Variants in PPIP5K2 observed in about 807,000 individuals in gnomAD.
PPIP5K2 encodes inositol hexakisphosphate and diphosphoinositol-pentakisphosphate kinase 2.
In PPIP5K2, 105 loss-of-function variants were observed where a neutral mutation model predicts 154.6. That is an observed-to-expected ratio of 0.68 (90% CI 0.58 to 0.80). The LOEUF is 0.80. PPIP5K2 is among the 30% of genes least tolerant of loss of function. The pLI is 0.00. For synonymous variants in PPIP5K2, 480 were observed against 490.3 expected, an observed-to-expected ratio of 0.98 and a Z score of 0.28; for missense variants, 992 against 1,504.6, an observed-to-expected ratio of 0.66 and a Z score of 5.64.
chr5:103,180,709 G>T (rs886256845), intron 24 of PPIP5K2, among the ~76,000 whole-genome samples: 1 of 151,898 alleles, frequency 6.6e-6, no homozygotes, highest in African/African-American at 2.4e-5. Context: ...AATTAGCCAG[G>T]TATGGTGGCG....
Position 103,202,987 on chromosome 5 carries a change from T to C in PPIP5K2, c.*1353T>C, listed in dbSNP as rs1457056930. The C allele has an allele frequency of 6.6e-6, 1 of 152,576 alleles. No individual in the cohort carries two copies. The highest frequency in any genetic ancestry group is 2.4e-5 in the African/African-American group (1 of 41,448). 9.5% of individuals were successfully genotyped at this position (152,576 alleles called of 1,614,324 possible). On this transcript the variant is annotated 3_prime_UTR_variant, in exon 31 of 31. Coordinates refer to ENST00000358359, the MANE Select transcript of PPIP5K2 (RefSeq NM_001276277.3). ...AATAAGCATACTATATGTTAGCTGT[T>C]TTAAAAGGTACCAGATGTAAGAGTC...
intron 21 of PPIP5K2, among the ~76,000 whole-genome samples, chr5:103,175,411 CA>C: frequency 4.0e-3 from 1 of 248 alleles, no homozygotes; most frequent in East Asian, 0.17. Context: ...CCTTAATTAG[CA>C]AGGCAAAAAA....
intron 5 of PPIP5K2, among the ~76,000 whole-genome samples, chr5:103,142,839 C>T (rs533984647): frequency 1.3e-5 from 2 of 151,282 alleles, no homozygotes; most frequent in African/African-American, 2.4e-5. Flanking sequence ...ATAGCAAGTA[C>T]ACAGATAAAT....
chr5:103,142,605 T>C lies in PPIP5K2; in HGVS notation c.488-3922T>C, dbSNP rs912664775. Among the ~76,000 whole-genome samples, 3 of 152,122 alleles carry C rather than the reference T, an allele frequency of 2.0e-5. No homozygotes were observed. In the South Asian group the frequency reaches 6.2e-4, roughly 32 times the overall value. On this transcript the variant is annotated intron_variant, in intron 5 of 30. Transcript: ENST00000358359. ...GCTAGCACGCTGTCACCTCTCAGTCTCTACTAAAAATACAAAAAAAATTAG... is the reference window on the plus strand; with the variant it reads ...GCTAGCACGCTGTCACCTCTCAGTCCCTACTAAAAATACAAAAAAAATTAG...
intron 5 of PPIP5K2, among the ~76,000 whole-genome samples, chr5:103,141,215 C>T (rs1216740363): frequency 4.6e-5 from 7 of 152,074 alleles, no homozygotes; most frequent in African/African-American, 1.2e-4. Context: ...AGAATGAAGC[C>T]GCAGACCCTC....
intron 14 of PPIP5K2, among the ~76,000 whole-genome samples, chr5:103,157,059 C>T (rs1439457020): frequency 6.6e-6 from 1 of 152,136 alleles, no homozygotes; most frequent in Admixed American, 6.5e-5. Context: ...AACTAACTTT[C>T]TTTCCATAAA....
At chr5:103,145,307 A>G (rs1793577213) in intron 5 of PPIP5K2, among the ~76,000 whole-genome samples, 1 of 152,122 alleles carries the variant, frequency 6.6e-6, no homozygotes, top group Non-Finnish European at 1.5e-5. Context: ...GGGAATGTGA[A>G]TTAGTAAAGC....
At position 103,147,972 on chromosome 5, in the gene PPIP5K2, A is replaced by G. The variant is rs529722583; in HGVS notation, c.684A>G (p.Val228=). 4 of 1,605,024 alleles carry G rather than the reference A, an allele frequency of 2.5e-6. No homozygotes were observed. In the South Asian group the frequency reaches 4.5e-5, roughly 18 times the overall value. ...RSSVYSPESN[V]RKTGSYIYEE... ...GTGTTTATTCTCCAGAAAGCAATGT[A>G]CGAAAAACAGGCTCATATATATATG... The change falls in exon 7 of 31, where the codon GTA becomes GTG. Residue 228 remains valine (V), a synonymous_variant. Coordinates refer to ENST00000358359, the MANE Select transcript of PPIP5K2 (RefSeq NM_001276277.3).
Position 103,208,028 on chromosome 5 carries a change from TTTTG to T in PPIP5K2, c.*6398_*6401del, listed in dbSNP as rs1303110722. ...ACAATTTCTTTTTTGTTTGTTTTTGTTTTGTTTTTGTTGTTTTTTAAAATGCAAT... is the reference window on the plus strand; with the variant it reads ...ACAATTTCTTTTTTGTTTGTTTTTGTTTTTTGTTGTTTTTTAAAATGCAAT... On this transcript the variant is annotated 3_prime_UTR_variant, in exon 31 of 31. Transcript: ENST00000358359. 7.1e-6 allele frequency: 1 copy of T among 140,386 alleles called. No individual in the cohort carries two copies. Among genetic ancestry groups the T allele is most frequent in the African/African-American group, 2.4e-5 (1 of 40,858 alleles). 8.7% of individuals were successfully genotyped at this position (140,386 alleles called of 1,614,324 possible).
chr5:103,198,553 A>C (rs1401270124), intron 30 of PPIP5K2, among the ~76,000 whole-genome samples: 1 of 151,954 alleles, frequency 6.6e-6, no homozygotes, highest in East Asian at 1.9e-4. Context: ...AATTTGGTAG[A>C]TTTTTGCTTT....
chr5:103,172,738 T>C (rs566284448), intron 19 of PPIP5K2, among the ~76,000 whole-genome samples: 31 of 151,886 alleles, frequency 2.0e-4, no homozygotes, highest in Non-Finnish European at 3.5e-4. Flanking sequence ...GTGTTAGTCT[T>C]TTAAATCTTT....
At chr5:103,170,235 A>G (rs1388068435) in intron 19 of PPIP5K2, among the ~76,000 whole-genome samples, 1 of 151,570 alleles carries the variant, frequency 6.6e-6, no homozygotes, top group Non-Finnish European at 1.5e-5. Flanking sequence ...TAAATTCATA[A>G]TAAATTTTTT....
At chr5:103,166,402 TGTC>T (rs1309838635) in intron 17 of PPIP5K2, among the ~76,000 whole-genome samples, 1 of 152,004 alleles carries the variant, frequency 6.6e-6, no homozygotes, top group Non-Finnish European at 1.5e-5. Flanking sequence ...GAATCTACCT[TGTC>T]GTCCTGATGT....
intron 5 of PPIP5K2, among the ~76,000 whole-genome samples, chr5:103,140,836 CAAAA>C (rs34150862): frequency 0.061 from 5,357 of 88,200 alleles, 285 homozygotes; most frequent in African/African-American, 0.19. Flanking sequence ...GACTCCGTCT[CAAAA>C]AAAAAAAAAA....
chr5:103,154,008 A>G, intron 11 of PPIP5K2, 74 bp downstream of exon 11: 1 of 1,125,876 alleles, frequency 8.9e-7, no homozygotes, highest in South Asian at 1.5e-5. Context: ...AACTCTTTTG[A>G]TTAATACATC....
intron 2 of PPIP5K2, among the ~76,000 whole-genome samples, chr5:103,132,365 C>T (rs1790770964): frequency 6.6e-6 from 1 of 152,004 alleles, no homozygotes; most frequent in Non-Finnish European, 1.5e-5. Context: ...CACGATGAAA[C>T]CCCATCTCTA....
chr5:103,158,061 A>C (rs1282126913), intron 14 of PPIP5K2, 127 bp from the exon 15 acceptor site: 5 of 1,014,176 alleles, frequency 4.9e-6, no homozygotes, highest in Non-Finnish European at 7.1e-6. Context: ...ACAGCATTTA[A>C]GGAAGAAAAT....
Position 103,161,519 on chromosome 5 carries a change from C to A in PPIP5K2, c.1920+2191C>A, listed in dbSNP as rs1186117344. 2.0e-5 allele frequency among the ~76,000 whole-genome samples: 3 copies of A among 152,242 alleles called. No homozygotes were observed. In the East Asian group the frequency reaches 5.8e-4, roughly 29 times the overall value. On this transcript the variant is annotated intron_variant, in intron 17 of 30. Coordinates refer to ENST00000358359, the MANE Select transcript of PPIP5K2 (RefSeq NM_001276277.3). Reference sequence around the variant, plus strand: ...CAAATGGTATTTCTAGTTCTAGATCCTTGAGGAATCGCCATACTGTCTTCC... The same window carrying A: ...CAAATGGTATTTCTAGTTCTAGATCATTGAGGAATCGCCATACTGTCTTCC...
At chr5:103,130,751 G>A (rs2149459674) in intron 2 of PPIP5K2, among the ~76,000 whole-genome samples, 1 of 152,162 alleles carries the variant, frequency 6.6e-6, no homozygotes, top group East Asian at 1.9e-4. Context: ...AGCGTCTCTG[G>A]CTCACTTAAA....
Sources: allele counts gnomAD v4.1 joint callset (sites outside exome capture counted in the v4.1 genomes callset), GRCh38; gene constraint gnomAD v4.1.1; transcripts MANE v1.5; gene names NCBI Gene and HGNC (gene_info 2026-07-23, HGNC 2026-07-21).